C8orf34: variants seen among roughly 807,000 people sequenced by gnomAD.
The protein encoded by C8orf34 is chromosome 8 open reading frame 34.
In C8orf34, 65 loss-of-function variants were observed where a neutral mutation model predicts 68.3. The ratio of observed to expected loss-of-function variants is 0.95; its 90% CI spans 0.78 to 1.17. C8orf34 has a LOEUF of 1.17. Ranked by LOEUF, C8orf34 falls within the 50% of genes most tolerant of loss-of-function variation. The pLI, the probability that C8orf34 is intolerant of heterozygous loss-of-function variation, is 0.00. For missense variants in C8orf34, 664 were observed against 655.4 expected, an observed-to-expected ratio of 1.01 and a Z score of -0.14; for synonymous variants, 244 against 241.2, an observed-to-expected ratio of 1.01 and a Z score of -0.11.
chr8:68,513,183 T>C (rs191530811), intron 5 of C8orf34, among the ~76,000 whole-genome samples: 3 of 152,326 alleles, frequency 2.0e-5, no homozygotes, highest in Non-Finnish European at 4.4e-5. Flanking sequence ...TCTGAAAGAT[T>C]AAAGTCACAT....
At chr8:68,522,693 T>A (rs990083621) in intron 6 of C8orf34, among the ~76,000 whole-genome samples, 1 of 152,168 alleles carries the variant, frequency 6.6e-6, no homozygotes, top group Admixed American at 6.5e-5. Flanking sequence ...TAATACCAGT[T>A]GCAACGAGTA....
chr8:68,575,929 G>A (rs1816887907), intron 7 of C8orf34, among the ~76,000 whole-genome samples: 1 of 144,322 alleles, frequency 6.9e-6, no homozygotes, highest in African/African-American at 2.5e-5. Flanking sequence ...TTGGTATGAT[G>A]AGCTGACATA....
intron 3 of C8orf34, among the ~76,000 whole-genome samples, chr8:68,461,818 T>C (rs1586186285): frequency 6.6e-6 from 1 of 152,134 alleles, no homozygotes; most frequent in Non-Finnish European, 1.5e-5. Context: ...GAACAACCAG[T>C]ACCAGCCACT....
Position 68,798,898 on chromosome 8 carries a change from T to G in C8orf34, c.1549+11362T>G, listed in dbSNP as rs977929768. On this transcript the variant is annotated intron_variant, in intron 12 of 13. Coordinates refer to ENST00000518698, the MANE Select transcript of C8orf34 (RefSeq NM_052958.4). ...TTAATCTCACCACATAAAGTATTAT[T>G]AAGTGTAATGGAAAAATGTGTCAAG... Among the ~76,000 whole-genome samples, 5 of 152,314 alleles carry G rather than the reference T, an allele frequency of 3.3e-5. No homozygotes were observed. The East Asian group carries it at 9.6e-4, about 29-fold the overall frequency.
chr8:68,450,113 G>A (rs894064776), intron 3 of C8orf34, among the ~76,000 whole-genome samples: 1 of 152,096 alleles, frequency 6.6e-6, no homozygotes, highest in Non-Finnish European at 1.5e-5. Context: ...TTCACCTAGA[G>A]TAGATTCTAT....
intron 7 of C8orf34, among the ~76,000 whole-genome samples, chr8:68,562,675 C>T (rs115565017): frequency 6.6e-6 from 1 of 151,984 alleles, no homozygotes; most frequent in Non-Finnish European, 1.5e-5. Context: ...TGCATGAAGG[C>T]AAAGAAGAGG....
At chr8:68,707,082 T>G (rs1334298134) in intron 8 of C8orf34, among the ~76,000 whole-genome samples, 1 of 152,060 alleles carries the variant, frequency 6.6e-6, no homozygotes, top group African/African-American at 2.4e-5. Context: ...AAAAAGCAAT[T>G]TAACTTTTAT....
At chr8:68,674,286 A>G (rs1387682640) in intron 8 of C8orf34, among the ~76,000 whole-genome samples, 1 of 152,162 alleles carries the variant, frequency 6.6e-6, no homozygotes, top group Non-Finnish European at 1.5e-5. Context: ...AAGAAAAATG[A>G]CCTCACCAGA....
chr8:68,518,157 C>G (rs748533909), intron 5 of C8orf34, among the ~76,000 whole-genome samples: 4 of 152,158 alleles, frequency 2.6e-5, no homozygotes, highest in Non-Finnish European at 4.4e-5. Context: ...ACCCATGAAA[C>G]AACCCTACAT....
intron 1 of C8orf34, among the ~76,000 whole-genome samples, chr8:68,350,194 C>G (rs1474202779): frequency 6.6e-6 from 1 of 151,110 alleles, no homozygotes; most frequent in East Asian, 1.9e-4. Context: ...CAAAGAACTT[C>G]TAGATTACTG....
intron 1 of C8orf34, among the ~76,000 whole-genome samples, chr8:68,358,461 A>G (rs1021045257): frequency 1.3e-4 from 20 of 151,466 alleles, no homozygotes; most frequent in Admixed American, 5.3e-4. Flanking sequence ...CTCAATCCCA[A>G]TAGCCTCCTT....
chr8:68,806,608 G>A (rs748403405), intron 12 of C8orf34, among the ~76,000 whole-genome samples: 3 of 151,860 alleles, frequency 2.0e-5, no homozygotes, highest in Non-Finnish European at 4.4e-5. Flanking sequence ...TTTTATTTTT[G>A]CAGCAGTTTT....
chr8:68,588,068 ATAGCTATACC>A, intron 7 of C8orf34, among the ~76,000 whole-genome samples: 1 of 152,162 alleles, frequency 6.6e-6, no homozygotes, highest in African/African-American at 2.4e-5. Flanking sequence ...TTTTATGCTT[ATAGCTATACC>A]TACATATGCC....
chr8:68,426,923 G>C (rs1042901644), intron 1 of C8orf34, among the ~76,000 whole-genome samples: 13 of 151,692 alleles, frequency 8.6e-5, no homozygotes, highest in Non-Finnish European at 1.3e-4. Context: ...TTAGAAAATA[G>C]ACAAAGTAAG....
At chr8:68,659,540 CA>C (rs1428348681) in intron 8 of C8orf34, among the ~76,000 whole-genome samples, 1 of 152,142 alleles carries the variant, frequency 6.6e-6, no homozygotes, top group African/African-American at 2.4e-5. Context: ...AAATAGTTTC[CA>C]AATTCTGGAG....
intron 9 of C8orf34, among the ~76,000 whole-genome samples, chr8:68,714,695 C>A (rs917809259): frequency 6.6e-6 from 1 of 152,136 alleles, no homozygotes; most frequent in Non-Finnish European, 1.5e-5. Flanking sequence ...AATGACCACA[C>A]TGCCAAAAGC....
At chr8:68,399,322 C>T (rs989687379) in intron 1 of C8orf34, among the ~76,000 whole-genome samples, 3 of 152,118 alleles carry the variant, frequency 2.0e-5, no homozygotes, top group Non-Finnish European at 4.4e-5. Context: ...TACCCTCCCA[C>T]CTTTCCATGC....
At chr8:68,391,741 G>A (rs1232969429) in intron 1 of C8orf34, among the ~76,000 whole-genome samples, 1 of 152,036 alleles carries the variant, frequency 6.6e-6, no homozygotes, top group Non-Finnish European at 1.5e-5. Flanking sequence ...GGTAAGTTCT[G>A]GTCTTATCAG....
chr8:68,381,225 T>C (rs138185910), intron 1 of C8orf34, among the ~76,000 whole-genome samples: 1 of 152,368 alleles, frequency 6.6e-6, no homozygotes, highest in African/African-American at 2.4e-5. Context: ...GTAAACTTCA[T>C]TGATCTGCAT....
Sources: gnomAD v4.1 joint callset for allele counts (sites outside exome capture counted in the v4.1 genomes callset) on GRCh38, gnomAD v4.1.1 for gene constraint, MANE v1.5 for transcripts, NCBI Gene and HGNC (gene_info 2026-07-23, HGNC 2026-07-21) for gene names.